The following MLKL variants were observed in gnomAD, a reference collection of about 807,000 sequenced individuals.
The protein encoded by MLKL is mixed lineage kinase domain like pseudokinase, also known as mixed lineage kinase domain-like protein.
In MLKL, 55 loss-of-function variants were observed where a neutral mutation model predicts 56.5. The observed-to-expected ratio is 0.97, with a 90% confidence interval of 0.78 to 1.22. The LOEUF (loss-of-function observed/expected upper bound fraction) is 1.22, where lower values mean the gene tolerates loss of function less well. Ranked by LOEUF, MLKL falls within the 50% of genes most tolerant of loss-of-function variation. MLKL has a pLI of 0.00. For missense variants in MLKL, 694 were observed against 573.9 expected (o/e 1.21, Z -2.14); for synonymous variants, 251 against 208.3 (o/e 1.20, Z -1.76).
At chr16:74,691,994 C>T (rs1434735268) in intron 3 of MLKL, among the ~76,000 whole-genome samples, 1 of 152,222 alleles carries the variant, frequency 6.6e-6, no homozygotes, top group Non-Finnish European at 1.5e-5. Flanking sequence ...AAACCAGATA[C>T]TCACAGTTTT....
At chr16:74,695,205 T>A in intron 2 of MLKL, 93 bp downstream of exon 2, 2 of 1,347,914 alleles carry the variant, frequency 1.5e-6, no homozygotes, top group Non-Finnish European at 2.0e-6. Flanking sequence ...TTACAACTGC[T>A]CAAACTTCAT....
At chr16:74,677,802 C>A (rs1047281420) in intron 7 of MLKL, 4 of 152,548 alleles carry the variant, frequency 2.6e-5, no homozygotes, top group African/African-American at 9.6e-5. Context: ...CCTCAGCCTC[C>A]TTAGGAGCTG....
At chr16:74,697,791 CCAGGGAAA>C (rs1194794394) in intron 1 of MLKL, among the ~76,000 whole-genome samples, 3 of 151,774 alleles carry the variant, frequency 2.0e-5, no homozygotes, top group Non-Finnish European at 4.4e-5. Flanking sequence ...TGCACTCCAG[CCAGGGAAA>C]CAGAGAGACC....
Position 74,675,476 on chromosome 16 carries a change from G to T in MLKL, c.1191-72C>A, listed in dbSNP as rs1192810143. The T allele has an allele frequency of 6.3e-6, 10 of 1,581,782 alleles. 1 individual carries two copies. In the South Asian group the frequency reaches 1.1e-4, roughly 18 times the overall value. On this transcript the variant is annotated intron_variant, in intron 8 of 10. Coordinates refer to ENST00000308807, the MANE Select transcript of MLKL (RefSeq NM_152649.4). ...TCCCCTGTCCCTCTAGCCACTGCCA[G>T]AAAACTCAGTGAATTTTTTGATTAC...
rs554957158 is a variant in MLKL, at chr16:74,679,068, G to A, written c.957-88C>T. 4.6e-5 allele frequency: 48 copies of A among 1,044,672 alleles called. No homozygotes were observed. The East Asian group carries it at 1.1e-3, about 25-fold the overall frequency. The allele number at this position is 1,044,672 out of a possible 1,614,324, so 64.7% of individuals were successfully genotyped here. On this transcript the variant is annotated intron_variant, in intron 6 of 10. Coordinates refer to ENST00000308807, the MANE Select transcript of MLKL (RefSeq NM_152649.4). Reference sequence around the variant, plus strand: ...AATCATAACTGGGCTGATGAGGCTGGACAGTACCATGGGTGCCTGTCCACA... The same window carrying A: ...AATCATAACTGGGCTGATGAGGCTGAACAGTACCATGGGTGCCTGTCCACA...
Position 74,700,830 on chromosome 16 carries a change from G to T in MLKL, c.-380C>A, listed in dbSNP as rs1234301813. 1 of 152,260 alleles carries T rather than the reference G, an allele frequency of 6.6e-6. No individual in the cohort carries two copies. The highest frequency in any genetic ancestry group is 1.5e-5 in the Non-Finnish European group (1 of 68,114). 9.4% of individuals were successfully genotyped at this position (152,260 alleles called of 1,614,324 possible). On this transcript the variant is annotated 5_prime_UTR_variant, in exon 1 of 11. Coordinates refer to ENST00000308807, the MANE Select transcript of MLKL (RefSeq NM_152649.4). ...AGAATGCTGCGACACTTCCCCCTCC[G>T]ACGTGGCTCCAGCTGCCAACCACCA...
At chr16:74,684,055 C>T (rs766491016) in intron 5 of MLKL, among the ~76,000 whole-genome samples, 1 of 152,024 alleles carries the variant, frequency 6.6e-6, no homozygotes, top group Non-Finnish European at 1.5e-5. Context: ...TCACGCAATT[C>T]TCCTGCCTCA....
intron 2 of MLKL, among the ~76,000 whole-genome samples, chr16:74,692,622 T>C (rs774234937): frequency 1.1e-4 from 17 of 152,254 alleles, no homozygotes; most frequent in Non-Finnish European, 2.4e-4. Context: ...TAACTTGCTT[T>C]GGCTAAGAAA....
chr16:74,676,512 C>G (rs1959603610), intron 7 of MLKL: 3 of 969,396 alleles, frequency 3.1e-6, no homozygotes, highest in Admixed American at 6.2e-5. Flanking sequence ...TCACACGTTT[C>G]CTGAGCACTG....
chr16:74,682,555 TG>T, intron 6 of MLKL, 95 bp downstream of exon 6: 1 of 1,501,850 alleles, frequency 6.7e-7, no homozygotes, highest in Non-Finnish European at 9.0e-7. Flanking sequence ...GGAGACTGTC[TG>T]GGGCGTCTGG....
intron 10 of MLKL, 79 bp downstream of exon 10, chr16:74,674,881 G>A: frequency 3.3e-6 from 5 of 1,534,162 alleles, no homozygotes; most frequent in Non-Finnish European, 4.4e-6. Flanking sequence ...CTACTGCCTT[G>A]GAGCTGGTGA....
chr16:74,691,714 G>C (rs1029256451), intron 3 of MLKL, among the ~76,000 whole-genome samples: 1 of 151,994 alleles, frequency 6.6e-6, no homozygotes, highest in African/African-American at 2.4e-5. Context: ...TTCAAATCCC[G>C]CCTGTCCCTC....
chr16:74,673,935 T>G (rs1959400652), intron 10 of MLKL, among the ~76,000 whole-genome samples: 1 of 102,076 alleles, frequency 9.8e-6, no homozygotes. Context: ...CTGGGCAACA[T>G]AATGAGACCT....
Position 74,674,946 on chromosome 16 carries a change from A to G in MLKL, c.1381+14T>C, listed in dbSNP as rs1260172475. On this transcript the variant is annotated intron_variant, in intron 10 of 10. Transcript: ENST00000308807. ...TGATGGGGCTCACGCTCTTTACACC[A>G]GAAAGAACCCTACCATCCACAGAGG... 5.0e-6 allele frequency: 8 copies of G among 1,610,540 alleles called. No homozygotes were observed. In the African/African-American group the frequency reaches 6.7e-5, roughly 13 times the overall value.
intron 10 of MLKL, 24 bp from the exon 11 acceptor site, chr16:74,672,562 T>C: frequency 1.2e-6 from 2 of 1,612,314 alleles, no homozygotes; most frequent in South Asian, 2.2e-5. Context: ...AACAGAAAAT[T>C]AGACCAGGGT....
chr16:74,688,466 C>T (rs1960471622), intron 4 of MLKL, among the ~76,000 whole-genome samples: 1 of 152,110 alleles, frequency 6.6e-6, no homozygotes, highest in South Asian at 2.1e-4. Context: ...GTAATCCCAG[C>T]AGTTTGGGAG....
intron 7 of MLKL, chr16:74,676,845 T>TGACTTCCAG (rs1200197934): frequency 6.6e-6 from 1 of 152,212 alleles, no homozygotes; most frequent in Non-Finnish European, 1.5e-5. Flanking sequence ...TATGAAAATC[T>TGACTTCCAG]GACTTCCAGT....
chr16:74,682,127 C>T (rs1176288749), intron 6 of MLKL, among the ~76,000 whole-genome samples: 1 of 151,422 alleles, frequency 6.6e-6, no homozygotes, highest in Non-Finnish European at 1.5e-5. Flanking sequence ...TAGTGGTGTG[C>T]GCCTGTAGTC....
chr16:74,675,896 C>T (rs1285454814), intron 7 of MLKL, 132 bp from the exon 8 acceptor site: 3 of 962,320 alleles, frequency 3.1e-6, no homozygotes, highest in Non-Finnish European at 4.7e-6. Context: ...GTCGTGACTT[C>T]TGTCTGTGTG....
Sources: allele counts gnomAD v4.1 joint callset (sites outside exome capture counted in the v4.1 genomes callset), GRCh38; gene constraint gnomAD v4.1.1; transcripts MANE v1.5; gene names NCBI Gene and HGNC (gene_info 2026-07-23, HGNC 2026-07-21).